The following ZBTB7C variants were observed in gnomAD, a reference collection of about 807,000 sequenced individuals.
The protein encoded by ZBTB7C is zinc finger and BTB domain-containing protein 7C.
ZBTB7C carries 8 observed loss-of-function variants against 25.7 expected under a neutral mutation model. That is an observed-to-expected ratio of 0.31 (90% CI 0.18 to 0.56). ZBTB7C has a LOEUF of 0.56. ZBTB7C is among the 20% of genes least tolerant of loss of function. ZBTB7C has a pLI of 0.91. For synonymous variants in ZBTB7C, 394 were observed against 369.0 expected (o/e 1.07, Z -0.78); for missense variants, 824 against 855.2 (o/e 0.96, Z 0.46).
At chr18:48,377,044 G>C (rs12608425) in intron 1 of ZBTB7C, among the ~76,000 whole-genome samples, 41,384 of 152,034 alleles carry the variant, frequency 0.27, 6,792 homozygotes, top group East Asian at 0.7. Context: ...GAATCCAGGG[G>C]CTGAAAGCAG....
chr18:48,222,524 T>C (rs1318032899), intron 2 of ZBTB7C, among the ~76,000 whole-genome samples: 5 of 152,176 alleles, frequency 3.3e-5, no homozygotes, highest in South Asian at 4.2e-4. Flanking sequence ...GTTTTTAAAG[T>C]AGTGCTTTCA....
chr18:48,184,440 C>G (rs1300305274), intron 3 of ZBTB7C, among the ~76,000 whole-genome samples: 2 of 152,144 alleles, frequency 1.3e-5, no homozygotes. Flanking sequence ...GATTCTGAGC[C>G]TCAGTTTCTT....
chr18:48,026,864 T>C lies in ZBTB7C; in HGVS notation c.*2396A>G, dbSNP rs1419876460. On this transcript the variant is annotated 3_prime_UTR_variant, in exon 5 of 5. Coordinates refer to ENST00000590800, the MANE Select transcript of ZBTB7C (RefSeq NM_001318841.2). Reference sequence around the variant, plus strand: ...TTTCAGAAGTCACATCTCACAGAAGTGCAACTCTCAATATAATTTAATCAA... The same window carrying C: ...TTTCAGAAGTCACATCTCACAGAAGCGCAACTCTCAATATAATTTAATCAA... The C allele has an allele frequency of 2.0e-5, 3 of 151,872 alleles. No individual in the cohort carries two copies. The highest frequency in any genetic ancestry group is 4.4e-5 in the Non-Finnish European group (3 of 67,996). 9.4% of individuals were successfully genotyped at this position (151,872 alleles called of 1,614,324 possible).
intron 1 of ZBTB7C, among the ~76,000 whole-genome samples, chr18:48,408,160 C>T (rs1457728067): frequency 6.6e-6 from 1 of 152,250 alleles, no homozygotes; most frequent in Non-Finnish European, 1.5e-5. Context: ...CTCCCCTCGG[C>T]CTTGCGCCCG....
intron 3 of ZBTB7C, among the ~76,000 whole-genome samples, chr18:48,086,588 C>T (rs1306374947): frequency 6.6e-6 from 1 of 152,206 alleles, no homozygotes; most frequent in African/African-American, 2.4e-5. Context: ...CACAATGGAA[C>T]CCACACTTCA....
At chr18:48,265,936 C>A (rs1264631338) in intron 2 of ZBTB7C, among the ~76,000 whole-genome samples, 2 of 152,070 alleles carry the variant, frequency 1.3e-5, no homozygotes, top group Non-Finnish European at 2.9e-5. Flanking sequence ...GAAGCAGCAG[C>A]AAATCAGTGT....
intron 3 of ZBTB7C, among the ~76,000 whole-genome samples, chr18:48,185,105 C>T (rs911469615): frequency 7.9e-5 from 12 of 152,060 alleles, no homozygotes; most frequent in Non-Finnish European, 1.6e-4. Context: ...AGCACCTGGC[C>T]CTGTCCAACC....
intron 1 of ZBTB7C, among the ~76,000 whole-genome samples, chr18:48,357,940 G>A (rs1417090517): frequency 6.6e-6 from 1 of 152,204 alleles, no homozygotes; most frequent in African/African-American, 2.4e-5. Context: ...TTGGAGGTGA[G>A]GGCTGGTGAG....
chr18:48,290,629 G>T (rs2045197045), intron 2 of ZBTB7C, among the ~76,000 whole-genome samples: 1 of 152,216 alleles, frequency 6.6e-6, no homozygotes, highest in Non-Finnish European at 1.5e-5. Flanking sequence ...CAGACAACAG[G>T]ATCTATTGTT....
At chr18:48,404,762 T>C (rs1481686652) in intron 1 of ZBTB7C, among the ~76,000 whole-genome samples, 1 of 152,140 alleles carries the variant, frequency 6.6e-6, no homozygotes, top group Non-Finnish European at 1.5e-5. Flanking sequence ...ATAAGATGCA[T>C]ATCCAACTGC....
chr18:48,303,361 G>A (rs977248835), intron 2 of ZBTB7C, among the ~76,000 whole-genome samples: 1 of 152,202 alleles, frequency 6.6e-6, no homozygotes, highest in African/African-American at 2.4e-5. Context: ...TTTATCTCCA[G>A]AATCTATCTA....
chr18:48,324,239 G>A (rs1178785988), intron 2 of ZBTB7C, among the ~76,000 whole-genome samples: 1 of 152,170 alleles, frequency 6.6e-6, no homozygotes, highest in Non-Finnish European at 1.5e-5. Flanking sequence ...GAGGGCCAGG[G>A]AATGGACCAT....
intron 2 of ZBTB7C, among the ~76,000 whole-genome samples, chr18:48,188,854 C>A (rs1371288868): frequency 6.6e-6 from 1 of 152,136 alleles, no homozygotes; most frequent in Admixed American, 6.5e-5. Context: ...ACTAATTTTA[C>A]TCTTTCTACT....
intron 1 of ZBTB7C, among the ~76,000 whole-genome samples, chr18:48,366,177 C>T (rs533290595): frequency 2.0e-5 from 3 of 152,312 alleles, no homozygotes; most frequent in African/African-American, 7.2e-5. Flanking sequence ...AGATTAGCAG[C>T]CACACAGAGA....
chr18:48,368,432 TA>T (rs2047305269), intron 1 of ZBTB7C, among the ~76,000 whole-genome samples: 1 of 151,558 alleles, frequency 6.6e-6, no homozygotes, highest in Non-Finnish European at 1.5e-5. Context: ...CTAGGGGAAA[TA>T]AAAGCCTCAG....
At chr18:48,348,592 G>C (rs1177404349) in intron 1 of ZBTB7C, among the ~76,000 whole-genome samples, 11 of 152,236 alleles carry the variant, frequency 7.2e-5, no homozygotes, top group Non-Finnish European at 1.6e-4. Flanking sequence ...CAAGGTGGGA[G>C]GGTCACTTGA....
At chr18:48,234,553 G>A (rs550096495) in intron 2 of ZBTB7C, among the ~76,000 whole-genome samples, 122 of 152,150 alleles carry the variant, frequency 8.0e-4, no homozygotes, top group African/African-American at 2.9e-3. Context: ...GGTGCAATAC[G>A]ATTCACAGCA....
At chr18:48,198,196 A>C (rs116034734) in intron 2 of ZBTB7C, among the ~76,000 whole-genome samples, 3,849 of 152,310 alleles carry the variant, frequency 0.025, 164 homozygotes, top group African/African-American at 0.088. Flanking sequence ...CAGTTCAGCA[A>C]GTTAGAAATC....
chr18:48,229,935 G>A lies in ZBTB7C; in HGVS notation c.-78-43940C>T, dbSNP rs556322478. On this transcript the variant is annotated intron_variant, in intron 2 of 4. Transcript: ENST00000590800. ...GGTTGTCTGGCAGGCTCTGCTTTCCGGGAAGCAGGGGGCTGCCTGGGAGGC... is the reference window on the plus strand; with the variant it reads ...GGTTGTCTGGCAGGCTCTGCTTTCCAGGAAGCAGGGGGCTGCCTGGGAGGC... Among the ~76,000 whole-genome samples the A allele has an allele frequency of 3.9e-5, 6 of 152,286 alleles. No homozygotes were observed. The East Asian group carries it at 9.7e-4, about 25-fold the overall frequency.
Sources: allele counts gnomAD v4.1 joint callset (sites outside exome capture counted in the v4.1 genomes callset), GRCh38; gene constraint gnomAD v4.1.1; transcripts MANE v1.5; gene names NCBI Gene and HGNC (gene_info 2026-07-23, HGNC 2026-07-21).